SHROOM3: variants seen among roughly 807,000 people sequenced by gnomAD.
SHROOM3 encodes protein Shroom3.
In SHROOM3, 47 loss-of-function variants were observed where a neutral mutation model predicts 138.6. The ratio of observed to expected loss-of-function variants is 0.34; its 90% confidence interval spans 0.27 to 0.43. The LOEUF (loss-of-function observed/expected upper bound fraction) is 0.43, where lower values mean the gene tolerates loss of function less well. Among genes scored for constraint, SHROOM3 ranks in the 20% least tolerant of loss-of-function variants. The pLI, the probability that SHROOM3 is intolerant of heterozygous loss-of-function variation, is 1.00. For missense variants in SHROOM3, 2,491 were observed against 2,596.5 expected (o/e 0.96, Z 0.88); for synonymous variants, 1,062 against 1,063.3 (o/e 1.00, Z 0.02).
chr4:76,575,304 G>A (rs1226094596), intron 2 of SHROOM3, among the ~76,000 whole-genome samples: 1 of 152,114 alleles, frequency 6.6e-6, no homozygotes, highest in Non-Finnish European at 1.5e-5. Flanking sequence ...GCACAACAAG[G>A]CTACCCACTT....
At chr4:76,659,122 G>T (rs947441792) in intron 2 of SHROOM3, among the ~76,000 whole-genome samples, 2 of 151,524 alleles carry the variant, frequency 1.3e-5, no homozygotes, top group African/African-American at 4.8e-5. Flanking sequence ...GCTTGGTTCT[G>T]GTGTCCCCTC....
chr4:76,603,447 C>T (rs555628669), intron 2 of SHROOM3, among the ~76,000 whole-genome samples: 12 of 151,666 alleles, frequency 7.9e-5, no homozygotes, highest in Admixed American at 7.9e-4. Flanking sequence ...AAACAAAAAC[C>T]CACAAACAAA....
rs1722705060 is a variant in SHROOM3 at position 76,780,498 on chromosome 4, C to G, written c.*1321C>G. The G allele has an allele frequency of 6.7e-6, 1 of 149,928 alleles. No individual in the cohort carries two copies. 9.3% of individuals were successfully genotyped at this position (149,928 alleles called of 1,614,324 possible). ...TTTGGGCTTACGAGTTTCATAGTAG[C>G]CAGTCTTAGAAAATTGGGGGAGTAA... is the stretch of plus-strand genomic sequence containing the variant. On this transcript the variant is annotated 3_prime_UTR_variant, in exon 11 of 11. Coordinates refer to ENST00000296043, the MANE Select transcript of SHROOM3 (RefSeq NM_020859.4).
At chr4:76,533,044 C>T (rs973564668) in intron 1 of SHROOM3, among the ~76,000 whole-genome samples, 2 of 152,150 alleles carry the variant, frequency 1.3e-5, no homozygotes, top group African/African-American at 2.4e-5. Flanking sequence ...TGGAGTTGCA[C>T]AGTGCAAGAT....
chr4:76,677,958 G>C (rs918873984), intron 2 of SHROOM3, among the ~76,000 whole-genome samples: 5 of 152,160 alleles, frequency 3.3e-5, no homozygotes, highest in Non-Finnish European at 7.3e-5. Context: ...TGTGTGATTT[G>C]AGGCAAATGA....
intron 1 of SHROOM3, among the ~76,000 whole-genome samples, chr4:76,494,159 A>ATTT (rs5859517): frequency 2.8e-5 from 4 of 144,056 alleles, no homozygotes; most frequent in Non-Finnish European, 4.5e-5. Flanking sequence ...CCCCAGATTG[A>ATTT]TTTTTTTTTT....
At chr4:76,710,009 G>A in intron 2 of SHROOM3, 147 bp from the exon 3 acceptor site, 2 of 963,988 alleles carry the variant, frequency 2.1e-6, no homozygotes, top group East Asian at 2.5e-5. Flanking sequence ...TTTGTTAGGT[G>A]CAGGCTTAGA....
intron 6 of SHROOM3, 142 bp from the exon 7 acceptor site, chr4:76,754,169 G>T: frequency 3.7e-6 from 4 of 1,067,210 alleles, no homozygotes; most frequent in Non-Finnish European, 5.7e-6. Flanking sequence ...AGCAGCCAGG[G>T]AAGACAGTGT....
chr4:76,619,825 G>C (rs1734958130), intron 2 of SHROOM3, among the ~76,000 whole-genome samples: 1 of 152,122 alleles, frequency 6.6e-6, no homozygotes, highest in Non-Finnish European at 1.5e-5. Flanking sequence ...ATTCTGGGAG[G>C]CCGAGGCGGG....
intron 1 of SHROOM3, among the ~76,000 whole-genome samples, chr4:76,478,899 G>C (rs2109986481): frequency 1.3e-5 from 2 of 152,276 alleles, no homozygotes; most frequent in Middle Eastern, 6.8e-3. Flanking sequence ...CGGACTGTTA[G>C]AAGGAAAACT....
intron 1 of SHROOM3, among the ~76,000 whole-genome samples, chr4:76,547,065 G>A (rs986436698): frequency 3.3e-5 from 5 of 152,192 alleles, no homozygotes; most frequent in African/African-American, 9.6e-5. Context: ...TTTCTCATGT[G>A]TAAGCTGTGA....
At chr4:76,484,208 C>T (rs973190108) in intron 1 of SHROOM3, among the ~76,000 whole-genome samples, 5 of 151,900 alleles carry the variant, frequency 3.3e-5, no homozygotes, top group Admixed American at 1.3e-4. Flanking sequence ...CTTTAGTTAG[C>T]AATTTCTATC....
intron 2 of SHROOM3, among the ~76,000 whole-genome samples, chr4:76,687,996 G>A (rs1424171994): frequency 6.6e-6 from 1 of 152,190 alleles, no homozygotes; most frequent in African/African-American, 2.4e-5. Flanking sequence ...CACGCGCAAT[G>A]GCAGCGGCAA....
Position 76,743,206 on chromosome 4 carries a change from G to C in SHROOM3, c.3753+1280G>C, listed in dbSNP as rs138224945. Among the ~76,000 whole-genome samples, 4 of 152,322 alleles carry C rather than the reference G, an allele frequency of 2.6e-5. No homozygotes were observed. In the East Asian group the frequency reaches 7.7e-4, roughly 29 times the overall value. ...TAGGGGAGAGGGGATGCATTGATGG[G>C]AAGAAACCAGTTCAGACAAAGAAAG... On this transcript the variant is annotated intron_variant, in intron 5 of 10. Transcript: ENST00000296043.
At position 76,519,965 on chromosome 4, in the gene SHROOM3, C is replaced by T. The variant is rs77755194; in HGVS notation, c.169-35644C>T. On this transcript the variant is annotated intron_variant, in intron 1 of 10. Transcript: ENST00000296043. ...TCATTTCTTGAAATTCTGCTTGATG[C>T]TTTAATGGATGTATTTGATTATAGA... is the stretch of plus-strand genomic sequence containing the variant. 1.4e-3 allele frequency among the ~76,000 whole-genome samples: 212 copies of T among 152,214 alleles called. 3 individuals are homozygous for T. The East Asian group carries it at 0.038, about 27-fold the overall frequency.
intron 1 of SHROOM3, among the ~76,000 whole-genome samples, chr4:76,463,671 C>G (rs1173982928): frequency 6.6e-6 from 1 of 152,192 alleles, no homozygotes; most frequent in Non-Finnish European, 1.5e-5. Flanking sequence ...TTTCATGGGC[C>G]AGGTCCAAAG....
At chr4:76,651,433 T>TATATATATAG in intron 2 of SHROOM3, among the ~76,000 whole-genome samples, 1 of 89,468 alleles carries the variant, frequency 1.1e-5, no homozygotes, top group Non-Finnish European at 2.3e-5. Context: ...TATATATATA[T>TATATATATAG]ATATATATAT....
At position 76,753,024 on chromosome 4, in the gene SHROOM3, T is replaced by C. The variant is rs140400473; in HGVS notation, c.3828-1287T>C. ...AGGAGACGTCACTGTTCAACAGACA[T>C]TTGCTGAGGGGGTACTTGGTGGCAG... On this transcript the variant is annotated intron_variant, in intron 6 of 10. Transcript: ENST00000296043. Among the ~76,000 whole-genome samples the C allele has an allele frequency of 4.0e-3, 611 of 152,132 alleles. 4 individuals are homozygous for C. Among genetic ancestry groups the C allele is most frequent in the African/African-American group, 0.014 (565 of 41,510 alleles).
rs1022426538 is a variant in SHROOM3, at chr4:76,552,108, G to A, written c.169-3501G>A. ...GATCTCCTGACCTTGTGATCCGCCC[G>A]CCTCGGCCCCCCTAAATTGCTGGGA... On this transcript the variant is annotated intron_variant, in intron 1 of 10. Coordinates refer to ENST00000296043, the MANE Select transcript of SHROOM3 (RefSeq NM_020859.4). Among the ~76,000 whole-genome samples the A allele has an allele frequency of 2.6e-4, 39 of 150,296 alleles. 1 individual carries two copies. The highest frequency in any genetic ancestry group is 8.7e-4 in the East Asian group (4 of 4,610).
Sources: gnomAD v4.1 joint callset for allele counts (sites outside exome capture counted in the v4.1 genomes callset) on GRCh38, gnomAD v4.1.1 for gene constraint, MANE v1.5 for transcripts, NCBI Gene and HGNC (gene_info 2026-07-23, HGNC 2026-07-21) for gene names.